CRTC1: variants seen among roughly 807,000 people sequenced by gnomAD.
CRTC1 encodes CREB regulated transcription coactivator 1.
A neutral mutation model predicts 66.1 loss-of-function variants in CRTC1; 18 were observed. The observed-to-expected ratio is 0.27, with a 90% CI of 0.19 to 0.40. CRTC1 has a LOEUF of 0.40. CRTC1 is among the 10% of genes least tolerant of loss of function. CRTC1 has a pLI of 1.00. For missense variants in CRTC1, 669 were observed against 887.9 expected (o/e 0.75, Z 3.13); for synonymous variants, 416 against 398.8 (o/e 1.04, Z -0.51).
chr19:18,732,504 G>T (rs2053912543), intron 1 of CRTC1, among the ~76,000 whole-genome samples: 1 of 152,248 alleles, frequency 6.6e-6, no homozygotes, highest in Non-Finnish European at 1.5e-5. Flanking sequence ...CATTTAAGCT[G>T]CTTGGTCTTT....
chr19:18,782,212 G>A lies in CRTC1; in HGVS notation c.*4830G>A, dbSNP rs1206418774. 2.2e-5 allele frequency: 5 copies of A among 228,746 alleles called. No homozygotes were observed. The highest frequency in any genetic ancestry group is 4.5e-5 in the African/African-American group (2 of 44,706). 14.2% of individuals were successfully genotyped at this position (228,746 alleles called of 1,614,324 possible). On this transcript the variant is annotated 3_prime_UTR_variant, in exon 14 of 14. Transcript: ENST00000321949. ...ATGATTGTGGGCGGCCGCAGCGGGC[G>A]GGGGCAGGCGGCTCAGGGCACACTC...
chr19:18,718,932 A>G (rs1473727665), intron 1 of CRTC1, among the ~76,000 whole-genome samples: 3 of 152,164 alleles, frequency 2.0e-5, no homozygotes, highest in African/African-American at 7.2e-5. Context: ...CGGGAGCATA[A>G]CACGATTTGA....
intron 1 of CRTC1, among the ~76,000 whole-genome samples, chr19:18,721,279 C>T (rs1262411723): frequency 2.0e-5 from 3 of 151,326 alleles, no homozygotes; most frequent in African/African-American, 2.4e-5. Flanking sequence ...CTGCAAGCTC[C>T]GCCTCCTGGG....
At chr19:18,687,367 C>T (rs1048808178) in intron 1 of CRTC1, among the ~76,000 whole-genome samples, 1 of 152,074 alleles carries the variant, frequency 6.6e-6, no homozygotes, top group Non-Finnish European at 1.5e-5. Flanking sequence ...GTGAGGTGGG[C>T]CAGGGTGTGA....
chr19:18,758,149 C>T (rs2054532162), intron 6 of CRTC1, among the ~76,000 whole-genome samples: 1 of 151,588 alleles, frequency 6.6e-6, no homozygotes. Context: ...ATCATGAGGT[C>T]AGGAGATGGA....
chr19:18,764,089 G>C (rs2054674154), intron 8 of CRTC1, among the ~76,000 whole-genome samples: 1 of 152,192 alleles, frequency 6.6e-6, no homozygotes, highest in Non-Finnish European at 1.5e-5. Flanking sequence ...CCGAGGGGAA[G>C]TGCAGGCGTG....
At chr19:18,748,063 C>G (rs187707033) in intron 4 of CRTC1, among the ~76,000 whole-genome samples, 2 of 151,928 alleles carry the variant, frequency 1.3e-5, no homozygotes, top group Non-Finnish European at 2.9e-5. Flanking sequence ...GGCCACAGAG[C>G]GAGACCCTGT....
intron 1 of CRTC1, among the ~76,000 whole-genome samples, chr19:18,721,151 C>T (rs2145628177): frequency 6.6e-6 from 1 of 151,242 alleles, no homozygotes; most frequent in Non-Finnish European, 1.5e-5. Flanking sequence ...TCTGAGGATG[C>T]TAGTCATTGG....
At chr19:18,710,217 C>T (rs1255947640) in intron 1 of CRTC1, among the ~76,000 whole-genome samples, 3 of 152,192 alleles carry the variant, frequency 2.0e-5, no homozygotes, top group Non-Finnish European at 4.4e-5. Flanking sequence ...GGAAGTCTCC[C>T]ACTTCCTTCC....
intron 4 of CRTC1, among the ~76,000 whole-genome samples, chr19:18,748,722 T>C (rs996939084): frequency 6.7e-6 from 1 of 148,392 alleles, no homozygotes; most frequent in Non-Finnish European, 1.5e-5. Context: ...AGAAAAACCA[T>C]ATACATACAT....
At chr19:18,749,726 A>G (rs573072300) in intron 4 of CRTC1, 55 bp from the exon 5 acceptor site, 16 of 1,433,114 alleles carry the variant, frequency 1.1e-5, no homozygotes, top group African/African-American at 4.2e-5. Context: ...GATCAGGACT[A>G]TCGCATTGTC....
chr19:18,695,123 G>A (rs1224786911), intron 1 of CRTC1, among the ~76,000 whole-genome samples: 4 of 151,938 alleles, frequency 2.6e-5, no homozygotes, highest in Admixed American at 6.6e-5. Context: ...TGCCCGCCTC[G>A]GCCTCCTAAA....
At chr19:18,689,581 A>ATG (rs2052777006) in intron 1 of CRTC1, among the ~76,000 whole-genome samples, 1 of 96,390 alleles carries the variant, frequency 1.0e-5, no homozygotes, top group African/African-American at 5.0e-5. Flanking sequence ...ATATATATAT[A>ATG]TATATGTAAT....
rs778187819 is a variant in CRTC1 at position 18,777,440 on chromosome 19, G to T, written c.*58G>T. The T allele has an allele frequency of 8.0e-6, 12 of 1,492,528 alleles. No individual in the cohort carries two copies. Among genetic ancestry groups the T allele is most frequent in the Non-Finnish European group, 1.1e-5 (12 of 1,083,998 alleles). The allele number at this position is 1,492,528 out of a possible 1,614,324, so 92.5% of individuals were successfully genotyped here. ...CCCGACGGCGCCTCCCCAGCCCGGGGACGGCCGTGCTCCGTCCCTCGCCAA... is the reference window on the plus strand; with the variant it reads ...CCCGACGGCGCCTCCCCAGCCCGGGTACGGCCGTGCTCCGTCCCTCGCCAA... On this transcript the variant is annotated 3_prime_UTR_variant, in exon 14 of 14. Coordinates refer to ENST00000321949, the MANE Select transcript of CRTC1 (RefSeq NM_015321.3). The surrounding 1 kb of genome is among the most constrained non-coding windows in gnomAD (Gnocchi z 5.5).
At chr19:18,698,112 GCA>G (rs2053036857) in intron 1 of CRTC1, among the ~76,000 whole-genome samples, 1 of 151,750 alleles carries the variant, frequency 6.6e-6, no homozygotes, top group South Asian at 2.1e-4. Context: ...CTCTGCAGGT[GCA>G]CAGTTTGTGT....
chr19:18,745,271 G>A (rs1218622810), intron 2 of CRTC1, among the ~76,000 whole-genome samples: 1 of 152,136 alleles, frequency 6.6e-6, no homozygotes, highest in Non-Finnish European at 1.5e-5. Flanking sequence ...GAGGGTGTGT[G>A]GGGGCCGCGT....
At chr19:18,775,046 C>A (rs533758105) in intron 12 of CRTC1, 60 bp downstream of exon 12, 44 of 1,526,720 alleles carry the variant, frequency 2.9e-5, no homozygotes, top group Non-Finnish European at 3.8e-5. Context: ...TGCTGGGACC[C>A]TCGCTGGGAC....
chr19:18,760,437 G>T lies in CRTC1; in HGVS notation c.886+209G>T, dbSNP rs768605230. Among the ~76,000 whole-genome samples, 2 of 152,252 alleles carry T rather than the reference G, an allele frequency of 1.3e-5. No homozygotes were observed. The highest frequency in any genetic ancestry group is 1.9e-4 in the East Asian group (1 of 5,176). On this transcript the variant is annotated intron_variant, in intron 8 of 13. Coordinates refer to ENST00000321949, the MANE Select transcript of CRTC1 (RefSeq NM_015321.3). The surrounding 1 kb of genome is among the most constrained non-coding windows in gnomAD (Gnocchi z 6.2). ...GGCCTGGTGGAAAGGAGTGCCTGGT[G>T]CCCCCAGACACCAGACAGTGGGTTT...
At chr19:18,770,759 GCA>G (rs1388005010) in intron 10 of CRTC1, among the ~76,000 whole-genome samples, 1 of 151,538 alleles carries the variant, frequency 6.6e-6, no homozygotes, top group African/African-American at 2.4e-5. Context: ...GTGGGTGTGT[GCA>G]CACGGTGTGT....
Sources: gnomAD v4.1 joint callset for allele counts (sites outside exome capture counted in the v4.1 genomes callset) on GRCh38, gnomAD v4.1.1 for gene constraint, Gnocchi (gnomAD v3.1) non-coding constraint, MANE v1.5 for transcripts, NCBI Gene and HGNC (gene_info 2026-07-23, HGNC 2026-07-21) for gene names.